TENM4: variants seen among roughly 807,000 people sequenced by gnomAD.
The protein encoded by TENM4 is teneurin transmembrane protein 4.
A neutral mutation model predicts 243.3 loss-of-function variants in TENM4; 82 were observed. The observed-to-expected ratio is 0.34, with a 90% confidence interval of 0.28 to 0.40. The LOEUF (loss-of-function observed/expected upper bound fraction) is 0.40. TENM4 is among the 10% of genes least tolerant of loss of function. The pLI is 1.00. For synonymous variants in TENM4, 1,412 were observed against 1,456.3 expected (o/e 0.97, Z 0.69); for missense variants, 3,138 against 3,673.3 (o/e 0.85, Z 3.77).
intron 1 of TENM4, among the ~76,000 whole-genome samples, chr11:79,334,577 A>G (rs1336411363): frequency 1.3e-5 from 2 of 152,176 alleles, no homozygotes; most frequent in African/African-American, 2.4e-5. Flanking sequence ...CACAGCTGAC[A>G]GGGGCATCCC....
intron 3 of TENM4, among the ~76,000 whole-genome samples, chr11:79,202,185 C>A (rs1022831440): frequency 4.6e-5 from 7 of 152,262 alleles, no homozygotes; most frequent in African/African-American, 1.7e-4. Flanking sequence ...AGGAACAGGA[C>A]CTCGTCCCAT....
chr11:79,248,571 A>G (rs1855558681), intron 2 of TENM4, among the ~76,000 whole-genome samples: 1 of 152,134 alleles, frequency 6.6e-6, no homozygotes, highest in South Asian at 2.1e-4. Flanking sequence ...CAAAAATAAA[A>G]CTCTGTCCCA....
chr11:79,187,041 A>G (rs942510049), intron 3 of TENM4, among the ~76,000 whole-genome samples: 2 of 152,226 alleles, frequency 1.3e-5, no homozygotes, highest in Middle Eastern at 3.2e-3. Flanking sequence ...CATCCTCCTT[A>G]GCCCCATTGC....
chr11:78,922,646 G>A (rs1177766723), intron 6 of TENM4, among the ~76,000 whole-genome samples: 1 of 152,216 alleles, frequency 6.6e-6, no homozygotes, highest in Non-Finnish European at 1.5e-5. Flanking sequence ...AGTGAATGAA[G>A]GCAACAGCAA....
intron 6 of TENM4, among the ~76,000 whole-genome samples, chr11:79,034,365 G>C (rs1859321614): frequency 1.3e-5 from 2 of 152,110 alleles, no homozygotes; most frequent in South Asian, 4.2e-4. Flanking sequence ...GTAATTTGTA[G>C]CATCCTTAAC....
chr11:78,720,522 C>A (rs777429103), intron 24 of TENM4, 132 bp from the exon 25 acceptor site: 125 of 877,190 alleles, frequency 1.4e-4, no homozygotes, highest in Non-Finnish European at 2.8e-5. Context: ...AAAGACTTAG[C>A]AGCTGTGACA....
intron 1 of TENM4, among the ~76,000 whole-genome samples, chr11:79,369,553 T>A (rs1363282517): frequency 6.6e-6 from 1 of 152,108 alleles, no homozygotes; most frequent in Admixed American, 6.5e-5. Flanking sequence ...GGGAAAGAGA[T>A]CTTCCTTTCC....
At chr11:79,006,357 A>G (rs988164798) in intron 6 of TENM4, among the ~76,000 whole-genome samples, 1 of 152,220 alleles carries the variant, frequency 6.6e-6, no homozygotes, top group Non-Finnish European at 1.5e-5. Context: ...ATTCATTTTC[A>G]TGACCCCAAA....
At chr11:78,905,260 G>A (rs1264108805) in intron 6 of TENM4, among the ~76,000 whole-genome samples, 4 of 152,166 alleles carry the variant, frequency 2.6e-5, no homozygotes, top group Non-Finnish European at 4.4e-5. Flanking sequence ...AGGCTTTTTG[G>A]AAATCATCAA....
chr11:78,981,102 A>G (rs1191040818), intron 6 of TENM4, among the ~76,000 whole-genome samples: 1 of 152,154 alleles, frequency 6.6e-6, no homozygotes, highest in Non-Finnish European at 1.5e-5. Flanking sequence ...ACTATGAAGT[A>G]TCTGGCCTAT....
At chr11:79,324,086 C>T (rs1565299644) in intron 1 of TENM4, among the ~76,000 whole-genome samples, 1 of 152,118 alleles carries the variant, frequency 6.6e-6, no homozygotes, top group Non-Finnish European at 1.5e-5. Flanking sequence ...ACACATCTTC[C>T]TGTATACTTC....
At chr11:78,812,944 A>G (rs560034756) in intron 13 of TENM4, among the ~76,000 whole-genome samples, 12 of 152,326 alleles carry the variant, frequency 7.9e-5, no homozygotes, top group African/African-American at 2.9e-4. Context: ...AATAAATTAT[A>G]CTGCATTGTG....
chr11:78,722,971 C>T (rs969438505), intron 23 of TENM4, 54 bp from the exon 24 acceptor site: 2 of 1,595,724 alleles, frequency 1.3e-6, no homozygotes, highest in Non-Finnish European at 1.7e-6. Flanking sequence ...GGTATCTTTT[C>T]CTGTGGTTGA....
intron 2 of TENM4, among the ~76,000 whole-genome samples, chr11:79,250,510 A>G (rs1034604567): frequency 1.3e-5 from 2 of 152,238 alleles, no homozygotes; most frequent in Non-Finnish European, 2.9e-5. Context: ...CACATTCTCA[A>G]TCACTGAAGG....
chr11:78,739,650 AC>A (rs1242403724), intron 19 of TENM4, among the ~76,000 whole-genome samples: 11 of 152,042 alleles, frequency 7.2e-5, no homozygotes, highest in African/African-American at 2.7e-4. Context: ...AGAAACAGAA[AC>A]GTTAGGGTAG....
chr11:78,812,439 C>A (rs953855161), intron 13 of TENM4, 123 bp from the exon 14 acceptor site: 8 of 1,051,302 alleles, frequency 7.6e-6, no homozygotes, highest in Non-Finnish European at 9.7e-6. Flanking sequence ...GCCACAAACA[C>A]CCATGTGTGC....
At chr11:79,054,776 C>T (rs1447388653) in intron 6 of TENM4, among the ~76,000 whole-genome samples, 1 of 151,860 alleles carries the variant, frequency 6.6e-6, no homozygotes, top group Non-Finnish European at 1.5e-5. Flanking sequence ...CTTGTTTTTA[C>T]TAAAACCTAT....
intron 6 of TENM4, among the ~76,000 whole-genome samples, chr11:78,922,302 A>T (rs1204185647): frequency 2.0e-5 from 3 of 152,208 alleles, no homozygotes; most frequent in African/African-American, 7.2e-5. Context: ...TATACCTTTC[A>T]AAAGCCAATT....
intron 2 of TENM4, among the ~76,000 whole-genome samples, chr11:79,247,776 G>C (rs1283994305): frequency 1.3e-5 from 2 of 152,228 alleles, no homozygotes; most frequent in East Asian, 3.8e-4. Flanking sequence ...CTTACCTTCT[G>C]CAGTAAGGTT....
Sources: gnomAD v4.1 joint callset for allele counts (sites outside exome capture counted in the v4.1 genomes callset) on GRCh38, gnomAD v4.1.1 for gene constraint, MANE v1.5 for transcripts, NCBI Gene and HGNC (gene_info 2026-07-23, HGNC 2026-07-21) for gene names.